The following PREX1 variants were observed in gnomAD, a reference collection of about 807,000 sequenced individuals.
PREX1 encodes phosphatidylinositol-3,4,5-trisphosphate dependent Rac exchange factor 1, also known as phosphatidylinositol 3,4,5-trisphosphate-dependent Rac exchanger 1 protein.
Under a neutral mutation model 198.3 loss-of-function variants are expected in PREX1, and 41 were observed. The observed-to-expected ratio is 0.21, with a 90% CI of 0.16 to 0.27. The LOEUF is 0.27. Ranked by LOEUF, PREX1 falls within the 10% of genes least tolerant of loss-of-function variation. PREX1 has a pLI of 1.00. For synonymous variants in PREX1, 843 were observed against 887.2 expected (o/e 0.95, Z 0.89); for missense variants, 1,620 against 2,200.7 (o/e 0.74, Z 5.28).
intron 1 of PREX1, among the ~76,000 whole-genome samples, chr20:48,757,948 G>A (rs758031983): frequency 2.6e-5 from 4 of 152,238 alleles, no homozygotes; most frequent in Non-Finnish European, 5.9e-5. Flanking sequence ...GTGGCTATGT[G>A]CACAGAGAAT....
At chr20:48,876,987 A>G in the PREX1 span, among the ~76,000 whole-genome samples, 1 of 152,096 alleles carries the variant, frequency 6.6e-6, no homozygotes, top group African/African-American at 2.4e-5. Context: ...TATGATATAT[A>G]GGCCGGGCGC....
At chr20:48,860,827 C>G in the PREX1 span, among the ~76,000 whole-genome samples, 1 of 143,584 alleles carries the variant, frequency 7.0e-6, no homozygotes, top group Non-Finnish European at 1.5e-5. Flanking sequence ...AAGTGAGACT[C>G]TGCCTCAAAA....
chr20:48,886,287 G>A, the PREX1 span, among the ~76,000 whole-genome samples: 4 of 152,180 alleles, frequency 2.6e-5, no homozygotes, highest in African/African-American at 7.2e-5. Flanking sequence ...GGAAGCCTCC[G>A]TGGTAAGGCC....
intron 18 of PREX1, among the ~76,000 whole-genome samples, chr20:48,656,829 G>C (rs150636214): frequency 6.6e-6 from 1 of 152,158 alleles, no homozygotes; most frequent in Admixed American, 6.5e-5. Flanking sequence ...GCATCCCCAC[G>C]TGGCTGGATT....
chr20:48,807,924 G>A (rs1402829157), intron 1 of PREX1, among the ~76,000 whole-genome samples: 1 of 152,088 alleles, frequency 6.6e-6, no homozygotes, highest in Non-Finnish European at 1.5e-5. Flanking sequence ...CCACTCAGGG[G>A]GCCCTGAGCA....
intron 14 of PREX1, among the ~76,000 whole-genome samples, chr20:48,668,790 C>G (rs141214036): frequency 2.4e-3 from 358 of 152,318 alleles, no homozygotes; most frequent in Admixed American, 6.3e-3. Flanking sequence ...TATGAGAGGC[C>G]ATATCCAGAG....
the PREX1 span, among the ~76,000 whole-genome samples, chr20:48,842,054 A>C: frequency 6.6e-6 from 1 of 152,098 alleles, no homozygotes; most frequent in Non-Finnish European, 1.5e-5. Context: ...TCTGGCCTGC[A>C]GACCTGCAAG....
At chr20:48,742,484 A>G (rs755066182) in intron 3 of PREX1, among the ~76,000 whole-genome samples, 1 of 152,108 alleles carries the variant, frequency 6.6e-6, no homozygotes, top group Non-Finnish European at 1.5e-5. Context: ...CTAGGATGCA[A>G]AGTCGAGCAG....
At chr20:48,741,571 C>G (rs903655587) in intron 3 of PREX1, among the ~76,000 whole-genome samples, 16 of 152,240 alleles carry the variant, frequency 1.1e-4, no homozygotes, top group African/African-American at 3.9e-4. Context: ...GTGAACATGA[C>G]AGAGTCCCTG....
chr20:48,821,432 C>T (rs79670457), intron 1 of PREX1, among the ~76,000 whole-genome samples: 2,630 of 152,274 alleles, frequency 0.017, 33 homozygotes, highest in Non-Finnish European at 0.026. Flanking sequence ...ATCTCCGAAA[C>T]GCAGGGCAGG....
chr20:48,876,290 G>T, the PREX1 span, among the ~76,000 whole-genome samples: 1 of 152,168 alleles, frequency 6.6e-6, no homozygotes, highest in African/African-American at 2.4e-5. Flanking sequence ...CCTCAGGTGG[G>T]CAGGACGGGA....
intron 5 of PREX1, among the ~76,000 whole-genome samples, chr20:48,716,420 C>A (rs981983162): frequency 6.6e-6 from 1 of 152,188 alleles, no homozygotes; most frequent in South Asian, 2.1e-4. Context: ...CAGCCTGAGG[C>A]GCAGGGCCTC....
chr20:48,625,262 A>T lies in PREX1; in HGVS notation c.*623T>A, dbSNP rs547346333. ...TGCCATATAAATAAAGTCAGAGCAA[A>T]TCTCGTGCCCAGGGCTGGTGGCCCC... On this transcript the variant is annotated 3_prime_UTR_variant, in exon 40 of 40. Transcript: ENST00000371941. The T allele has an allele frequency of 1.3e-5, 2 of 152,490 alleles. No homozygotes were observed. The highest frequency in any genetic ancestry group is 3.9e-4 in the East Asian group (2 of 5,182). The allele number at this position is 152,490 out of a possible 1,614,324, so 9.4% of individuals were successfully genotyped here.
At chr20:48,810,059 G>A (rs2090427459) in intron 1 of PREX1, among the ~76,000 whole-genome samples, 1 of 152,172 alleles carries the variant, frequency 6.6e-6, no homozygotes, top group South Asian at 2.1e-4. Context: ...GCAGGTAACA[G>A]GGAATGCTGT....
At chr20:48,692,899 AG>A in intron 7 of PREX1, 109 bp from the exon 8 acceptor site, 1 of 898,652 alleles carries the variant, frequency 1.1e-6, no homozygotes, top group Non-Finnish European at 1.8e-6. Flanking sequence ...GGGGACAGAG[AG>A]GAGCCCCAGG....
chr20:48,885,440 AT>A, the PREX1 span, among the ~76,000 whole-genome samples: 1 of 152,356 alleles, frequency 6.6e-6, no homozygotes. Flanking sequence ...AGAAACTCTC[AT>A]TCATTGCTAG....
At chr20:48,878,135 C>A in the PREX1 span, among the ~76,000 whole-genome samples, 101 of 152,106 alleles carry the variant, frequency 6.6e-4, 2 homozygotes, top group South Asian at 0.015. Context: ...CAAGTTCTTA[C>A]AATAGCCCAC....
chr20:48,856,718 A>G, the PREX1 span, among the ~76,000 whole-genome samples: 22 of 152,350 alleles, frequency 1.4e-4, no homozygotes, highest in East Asian at 1.9e-3. Context: ...TGGGAAAAAC[A>G]ACAGTTTGCA....
chr20:48,770,335 G>A (rs973292691), intron 1 of PREX1, among the ~76,000 whole-genome samples: 6 of 152,124 alleles, frequency 3.9e-5, no homozygotes, highest in Non-Finnish European at 5.9e-5. Flanking sequence ...GGAGGTACAC[G>A]AACCCGAGAA....
Sources: gnomAD v4.1 joint callset for allele counts (sites outside exome capture counted in the v4.1 genomes callset) on GRCh38, gnomAD v4.1.1 for gene constraint, MANE v1.5 for transcripts, NCBI Gene and HGNC (gene_info 2026-07-23, HGNC 2026-07-21) for gene names.